LRBA: variants seen among roughly 807,000 people sequenced by gnomAD.
LRBA encodes LPS responsive beige-like anchor protein, also known as lipopolysaccharide-responsive and beige-like anchor protein.
A neutral mutation model predicts 330.0 loss-of-function variants in LRBA; 176 were observed. The ratio of observed to expected loss-of-function variants is 0.53; its 90% CI spans 0.47 to 0.60. LRBA has a LOEUF of 0.60. Among genes scored for constraint, LRBA ranks in the 20% least tolerant of loss-of-function variants. The pLI is 0.00. For missense variants in LRBA, 3,259 were observed against 3,444.8 expected, an observed-to-expected ratio of 0.95 and a Z score of 1.35; for synonymous variants, 1,230 against 1,193.0, an observed-to-expected ratio of 1.03 and a Z score of -0.64.
At chr4:150,787,843 T>C (rs895629842) in intron 34 of LRBA, among the ~76,000 whole-genome samples, 1 of 152,190 alleles carries the variant, frequency 6.6e-6, no homozygotes, top group Non-Finnish European at 1.5e-5. Context: ...CTCTACTATC[T>C]CTGAGTTCAA....
At chr4:150,806,492 A>G in intron 32 of LRBA, 88 bp from the exon 33 acceptor site, 1 of 706,906 alleles carries the variant, frequency 1.4e-6, no homozygotes, top group Non-Finnish European at 2.0e-6. Context: ...TTCCATATAT[A>G]TATATAATTA....
chr4:150,876,550 G>C (rs1355492890), intron 17 of LRBA, among the ~76,000 whole-genome samples: 2 of 152,086 alleles, frequency 1.3e-5, no homozygotes. Flanking sequence ...GACATTGAGG[G>C]CTTATTTTCA....
intron 36 of LRBA, among the ~76,000 whole-genome samples, chr4:150,695,464 A>G (rs144987794): frequency 1.7e-3 from 264 of 152,286 alleles, no homozygotes; most frequent in African/African-American, 6.1e-3. Context: ...CTGGGACTAC[A>G]TGCACACATC....
chr4:150,347,978 T>A (rs1736624068), intron 48 of LRBA, among the ~76,000 whole-genome samples: 1 of 152,172 alleles, frequency 6.6e-6, no homozygotes, highest in East Asian at 1.9e-4. Flanking sequence ...CTATTTAAAT[T>A]TATATTAATT....
rs1027938361 is a variant in LRBA, at chr4:150,972,834, T to C, written c.216+41593A>G. 3.9e-5 allele frequency among the ~76,000 whole-genome samples: 6 copies of C among 152,332 alleles called. No individual in the cohort carries two copies. In the South Asian group the frequency reaches 1.0e-3, roughly 26 times the overall value. On this transcript the variant is annotated intron_variant, in intron 2 of 56. Coordinates refer to ENST00000651943, the MANE Select transcript of LRBA (RefSeq NM_001364905.1). ...CCTGAAATTTCATCCAGTAGCAACA[T>C]ACACTCACTGAAGCACTTCAGTGTC...
chr4:150,776,460 G>A (rs1296255106), intron 34 of LRBA, among the ~76,000 whole-genome samples: 5 of 152,176 alleles, frequency 3.3e-5, no homozygotes, highest in Admixed American at 1.3e-4. Context: ...TTGTTTATCT[G>A]TTTCGTATTA....
chr4:150,845,200 C>A (rs941481393), intron 26 of LRBA, among the ~76,000 whole-genome samples: 2 of 152,124 alleles, frequency 1.3e-5, no homozygotes, highest in Non-Finnish European at 2.9e-5. Flanking sequence ...GTCGAGGTAA[C>A]AATCTTCTAT....
At chr4:150,763,200 C>T (rs1388448542) in intron 34 of LRBA, among the ~76,000 whole-genome samples, 1 of 151,960 alleles carries the variant, frequency 6.6e-6, no homozygotes, top group East Asian at 1.9e-4. Context: ...GAAAAAGTAA[C>T]GTATTCTCAA....
At chr4:150,763,507 GAATCTAATTTAAAAGCATTTTCTT>G (rs1377481275) in intron 34 of LRBA, among the ~76,000 whole-genome samples, 2 of 151,738 alleles carry the variant, frequency 1.3e-5, no homozygotes, top group Admixed American at 1.3e-4. Context: ...ACAGAAATAT[GAATCTAATTTAAAAGCATTTTCTT>G]TCCATCAAAA....
intron 56 of LRBA, among the ~76,000 whole-genome samples, chr4:150,272,174 C>T (rs1330661282): frequency 1.3e-5 from 2 of 152,110 alleles, no homozygotes; most frequent in African/African-American, 4.8e-5. Context: ...CTGGTGATAC[C>T]CAGGTAAACA....
At chr4:150,660,767 A>G (rs1561486664) in intron 37 of LRBA, among the ~76,000 whole-genome samples, 3 of 123,304 alleles carry the variant, frequency 2.4e-5, no homozygotes, top group Non-Finnish European at 1.7e-5. Flanking sequence ...CTGTGACCTT[A>G]CCCCCAACCC....
intron 44 of LRBA, among the ~76,000 whole-genome samples, chr4:150,439,506 A>T (rs1239016036): frequency 1.3e-5 from 2 of 150,526 alleles, no homozygotes; most frequent in African/African-American, 4.9e-5. Flanking sequence ...AAGAAAGTTA[A>T]AAAAAAAAGA....
At position 150,828,208 on chromosome 4, in the gene LRBA, G is replaced by C; in HGVS notation, c.5143C>G (p.Gln1715Glu). 6.2e-7 allele frequency: 1 copy of C among 1,614,094 alleles called. No homozygotes were observed. Among genetic ancestry groups the C allele is most frequent in the Non-Finnish European group, 8.5e-7 (1 of 1,179,972 alleles). ...TCAAAAGATCTGAACTGCACGGGTT[G>C]TTCCACAGATAGATCACCAAGGGCT... ...LGALGDLSVE[Q>E]PVQFRSFDRS... is the part of the protein sequence containing the mutation. Residue 1715 changes from glutamine (Q) to glutamate (E), a missense_variant, in exon 30 of 57, where the codon CAA becomes GAA. Gln to Glu is a conservative substitution (Grantham distance 29). Transcript: ENST00000651943.
chr4:150,525,316 T>A (rs4696186), intron 40 of LRBA, among the ~76,000 whole-genome samples: 128,327 of 151,748 alleles, frequency 0.85, 55,809 homozygotes, highest in Non-Finnish European at 0.95. Flanking sequence ...TTGATTTCAG[T>A]GTTTTTCCAT....
intron 40 of LRBA, among the ~76,000 whole-genome samples, chr4:150,533,544 G>C (rs1485157371): frequency 6.6e-6 from 1 of 151,958 alleles, no homozygotes; most frequent in African/African-American, 2.4e-5. Context: ...TGCTGTTGTT[G>C]TTTGAAGGGC....
intron 36 of LRBA, among the ~76,000 whole-genome samples, chr4:150,692,867 A>C (rs1382552736): frequency 6.6e-6 from 1 of 152,232 alleles, no homozygotes; most frequent in East Asian, 1.9e-4. Context: ...CTTTTGCAAG[A>C]TAGTGTGACA....
intron 54 of LRBA, among the ~76,000 whole-genome samples, chr4:150,283,829 T>G (rs1188409050): frequency 6.6e-6 from 1 of 152,212 alleles, no homozygotes; most frequent in African/African-American, 2.4e-5. Flanking sequence ...ATGTGCATCA[T>G]CATCATCAGT....
At chr4:150,635,704 C>T (rs1777824290) in intron 37 of LRBA, among the ~76,000 whole-genome samples, 1 of 152,246 alleles carries the variant, frequency 6.6e-6, no homozygotes, top group African/African-American at 2.4e-5. Context: ...CTTTGTTCTA[C>T]ATAATAATAA....
At position 150,850,767 on chromosome 4, in the gene LRBA, C is replaced by T. The variant is rs539355139; in HGVS notation, c.3961G>A (p.Asp1321Asn). ...WSQMHQRLLT[D>N]LLFSIETDIQ... The stretch of plus-strand genomic sequence containing the variant: ...TCTGTTTCTATTGAAAATAATAGAT[C>T]AGTGAGCAAACGTTGATGCATCTGA... The change falls in exon 24 of 57, where the codon GAT becomes AAT. Residue 1321 changes from aspartate to asparagine, a missense_variant. Physicochemically the swap from Asp to Asn is conservative, Grantham distance 23. Coordinates refer to ENST00000651943, the MANE Select transcript of LRBA (RefSeq NM_001364905.1). 5.0e-6 allele frequency: 8 copies of T among 1,613,336 alleles called. No individual in the cohort carries two copies. In the African/African-American group the frequency reaches 1.1e-4, roughly 22 times the overall value.
Sources: gnomAD v4.1 joint callset for allele counts (sites outside exome capture counted in the v4.1 genomes callset) on GRCh38, gnomAD v4.1.1 for gene constraint, MANE v1.5 for transcripts, NCBI Gene and HGNC (gene_info 2026-07-23, HGNC 2026-07-21) for gene names.